Variants in TCOF1 observed in about 807,000 individuals in gnomAD.
TCOF1 encodes treacle protein.
In TCOF1, 33 loss-of-function variants were observed where a neutral mutation model predicts 149.0. The observed-to-expected ratio is 0.22, with a 90% CI of 0.17 to 0.30. The LOEUF is 0.30. Among genes scored for constraint, TCOF1 ranks in the 10% least tolerant of loss-of-function variants. The pLI is 1.00. For synonymous variants in TCOF1, 789 were observed against 738.8 expected, an observed-to-expected ratio of 1.07 and a Z score of -1.10; for missense variants, 1,728 against 1,840.7, an observed-to-expected ratio of 0.94 and a Z score of 1.12.
chr5:150,368,741 C>G lies in TCOF1; in HGVS notation c.404C>G (p.Thr135Ser). ...AKAETEKAGK[T>S]GNSMPHPATG... ...GCAGAGACAGAGAAAGCTGGCAAGACTGGGAATTCCATGCCACACCCTGCC... is the reference window on the plus strand; with the variant it reads ...GCAGAGACAGAGAAAGCTGGCAAGAGTGGGAATTCCATGCCACACCCTGCC... Residue 135 changes from threonine (T) to serine (S), a missense_variant, in exon 5 of 27, where the codon ACT (threonine) becomes AGT (serine). Coordinates refer to ENST00000643257, the MANE Select transcript of TCOF1 (RefSeq NM_001371623.1). 1 of 1,614,080 alleles carries G rather than the reference C, an allele frequency of 6.2e-7. No individual in the cohort carries two copies. Among genetic ancestry groups the G allele is most frequent in the Non-Finnish European group, 8.5e-7 (1 of 1,180,024 alleles).
chr5:150,391,986 A>G lies in TCOF1; in HGVS notation c.3327A>G (p.Ala1109=). The part of the protein sequence containing the change: ...GVDSAVGTLP[A]TSPQSTSVQA... ...ACAGTGCTGTGGGAACACTCCCTGC[A>G]ACAAGTCCCCAGAGCACCTCCGTCC... is the stretch of plus-strand genomic sequence containing the variant. The change falls in exon 21 of 27, where the codon GCA becomes GCG. Residue 1109 remains alanine (A), a synonymous_variant. Coordinates refer to ENST00000643257, the MANE Select transcript of TCOF1 (RefSeq NM_001371623.1). 1 of 1,614,208 alleles carries G rather than the reference A, an allele frequency of 6.2e-7. No homozygotes were observed.
At position 150,378,928 on chromosome 5, in the gene TCOF1, C is replaced by T. The variant is rs200969942; in HGVS notation, c.2364C>T (p.Thr788=). ...AGGTGAAAACCTCAGTAAAGAAAAC[C>T]CAGGCCAAAGCCAACCCAGCTGCCG... is the stretch of plus-strand genomic sequence containing the variant. The part of the protein sequence containing the change: ...PAQVKTSVKK[T]QAKANPAAAR... The change falls in exon 15 of 27, where the codon ACC becomes ACT. Residue 788 remains threonine, a synonymous_variant. Transcript: ENST00000643257. The T allele has an allele frequency of 1.2e-6, 2 of 1,614,084 alleles. No individual in the cohort carries two copies. Among genetic ancestry groups the T allele is most frequent in the East Asian group, 2.2e-5 (1 of 44,870 alleles).
chr5:150,378,641 T>C, intron 14 of TCOF1: 1 of 514,928 alleles, frequency 1.9e-6, no homozygotes, highest in South Asian at 2.1e-5. Flanking sequence ...TTTGAGTGTT[T>C]ATTATGTTCC....
intron 19 of TCOF1, among the ~76,000 whole-genome samples, chr5:150,390,859 A>T (rs1767283239): frequency 6.6e-6 from 1 of 152,206 alleles, no homozygotes; most frequent in South Asian, 2.1e-4. Flanking sequence ...TTCCCAGGCC[A>T]GTCAGGGAGT....
intron 17 of TCOF1, among the ~76,000 whole-genome samples, chr5:150,381,475 A>G (rs1765161231): frequency 6.6e-6 from 1 of 152,236 alleles, no homozygotes; most frequent in South Asian, 2.1e-4. Context: ...CTGAACCTGA[A>G]GGATGACCAG....
chr5:150,387,792 C>A, intron 17 of TCOF1, 110 bp from the exon 18 acceptor site: 1 of 1,483,622 alleles, frequency 6.7e-7, no homozygotes, highest in Non-Finnish European at 9.3e-7. Context: ...CCCAGCTGCC[C>A]CTGAGCTCAG....
intron 19 of TCOF1, among the ~76,000 whole-genome samples, chr5:150,391,267 TG>T (rs1453775742): frequency 2.6e-5 from 4 of 152,152 alleles, no homozygotes; most frequent in African/African-American, 9.7e-5. Flanking sequence ...GAAGTAGAGA[TG>T]GGGGTCCACC....
intron 18 of TCOF1, 149 bp from the exon 19 acceptor site, chr5:150,389,738 G>T: frequency 7.0e-7 from 1 of 1,424,230 alleles, no homozygotes; most frequent in Non-Finnish European, 9.7e-7. Context: ...TGGGAGGCTT[G>T]GAGAGGGAAG....
At chr5:150,373,824 G>A (rs1389163670) in intron 7 of TCOF1, among the ~76,000 whole-genome samples, 1 of 152,190 alleles carries the variant, frequency 6.6e-6, no homozygotes, top group African/African-American at 2.4e-5. Flanking sequence ...GAGCTCTCTG[G>A]CCAGTGGGAG....
At chr5:150,367,964 C>G (rs773601871) in intron 4 of TCOF1, 47 bp downstream of exon 4, 1 of 1,599,414 alleles carries the variant, frequency 6.3e-7, no homozygotes, top group South Asian at 1.1e-5. Context: ...ATTTAAGGTG[C>G]CTGGTAGGGG....
At chr5:150,372,662 A>G (rs1762807072) in intron 7 of TCOF1, among the ~76,000 whole-genome samples, 1 of 152,216 alleles carries the variant, frequency 6.6e-6, no homozygotes, top group African/African-American at 2.4e-5. Flanking sequence ...GGGGGGCTGG[A>G]AAGCAATGGA....
intron 3 of TCOF1, 39 bp from the exon 4 acceptor site, chr5:150,367,805 G>T (rs762158460): frequency 9.3e-6 from 15 of 1,605,816 alleles, no homozygotes; most frequent in Non-Finnish European, 1.3e-5. Context: ...GATGAGAAAA[G>T]CTCATCTGGC....
chr5:150,389,593 G>T (rs1766991292), intron 18 of TCOF1, among the ~76,000 whole-genome samples: 1 of 152,270 alleles, frequency 6.6e-6, no homozygotes, highest in South Asian at 2.1e-4. Context: ...TTTGGTGCCG[G>T]TGCTCTGGCC....
chr5:150,366,471 A>C (rs1172379892), intron 3 of TCOF1, among the ~76,000 whole-genome samples: 12 of 152,184 alleles, frequency 7.9e-5, no homozygotes, highest in Non-Finnish European at 1.5e-4. Flanking sequence ...GGTGAGTGAG[A>C]TAATACATGA....
At chr5:150,384,295 C>T (rs893458023) in intron 17 of TCOF1, 1 of 988,852 alleles carries the variant, frequency 1.0e-6, no homozygotes, top group African/African-American at 1.7e-5. Context: ...GTTTAATCTC[C>T]ACAACAGCCC....
At chr5:150,361,061 G>A (rs1759957909) in intron 1 of TCOF1, 95 bp from the exon 2 acceptor site, 5 of 1,535,968 alleles carry the variant, frequency 3.3e-6, no homozygotes, top group South Asian at 2.2e-5. Context: ...TGAACCACCT[G>A]TCTATACAAG....
In TCOF1 at chr5:150,397,415, TA is replaced by T. The variant is rs527613804; in HGVS notation, c.4345+574del. Among the ~76,000 whole-genome samples the T allele has an allele frequency of 3.3e-3, 509 of 152,226 alleles. 2 individuals are homozygous for T. The highest frequency in any genetic ancestry group is 4.6e-3 in the Non-Finnish European group (314 of 68,004). On this transcript the variant is annotated intron_variant, in intron 24 of 26. Coordinates refer to ENST00000643257, the MANE Select transcript of TCOF1 (RefSeq NM_001371623.1). ...CTCATCCCAAACCCCATCTTGTCTC[TA>T]GACCTCAGTTTTCCCTCCATAGTAA...
At chr5:150,375,617 GC>G in intron 11 of TCOF1, 63 bp downstream of exon 11, 1 of 1,612,692 alleles carries the variant, frequency 6.2e-7, no homozygotes, top group Non-Finnish European at 8.5e-7. Context: ...GCTGCCTGTG[GC>G]CTCCCAACCT....
In TCOF1 at chr5:150,357,735, G is replaced by GGGGTCGC. The variant is rs1758931480; in HGVS notation, c.-7_-1dup. The GGGGTCGC allele has an allele frequency of 6.5e-7, 1 of 1,547,782 alleles. No homozygotes were observed. The highest frequency in any genetic ancestry group is 2.4e-5 in the East Asian group (1 of 40,864). Reference sequence around the variant, plus strand: ...GGGCGTGCAGGTAGCCGGCCGGCCGGGGGTCGCGGGTATGGCCGAGGCCAG... The same window carrying GGGGTCGC: ...GGGCGTGCAGGTAGCCGGCCGGCCGGGGGTCGCGGGTCGCGGGTATGGCCGAGGCCAG... On this transcript the variant is annotated 5_prime_UTR_variant, in exon 1 of 27. Transcript: ENST00000643257.
Sources: gnomAD v4.1 joint callset for allele counts (sites outside exome capture counted in the v4.1 genomes callset) on GRCh38, gnomAD v4.1.1 for gene constraint, MANE v1.5 for transcripts, NCBI Gene and HGNC (gene_info 2026-07-23, HGNC 2026-07-21) for gene names.